Variants in NALF1 observed in about 807,000 individuals in gnomAD.
NALF1 encodes the protein family with sequence similarity 155 member A.
NALF1 carries 3 observed loss-of-function variants against 48.4 expected under a neutral mutation model. The observed-to-expected ratio is 0.06, with a 90% CI of 0.03 to 0.16. The LOEUF (loss-of-function observed/expected upper bound fraction) is 0.16, where lower values mean the gene tolerates loss of function less well. Ranked by LOEUF, NALF1 falls within the 10% of genes least tolerant of loss-of-function variation. NALF1 has a pLI of 1.00. For missense variants in NALF1, 526 were observed against 571.5 expected, an observed-to-expected ratio of 0.92 and a Z score of 0.81; for synonymous variants, 262 against 245.7, an observed-to-expected ratio of 1.07 and a Z score of -0.62.
intron 1 of NALF1, among the ~76,000 whole-genome samples, chr13:107,333,476 C>A (rs186138158): frequency 6.6e-6 from 1 of 152,298 alleles, no homozygotes; most frequent in Non-Finnish European, 1.5e-5. Flanking sequence ...TGGCTCTGTG[C>A]GACCTCAGTT....
intron 1 of NALF1, among the ~76,000 whole-genome samples, chr13:107,589,970 C>G (rs16970776): frequency 0.49 from 73,622 of 151,774 alleles, 18,305 homozygotes; most frequent in African/African-American, 0.53. Flanking sequence ...GAATAGATTA[C>G]TATTTCTTGC....
At chr13:107,537,433 G>T (rs1226467222) in intron 1 of NALF1, among the ~76,000 whole-genome samples, 2 of 152,122 alleles carry the variant, frequency 1.3e-5, no homozygotes, top group African/African-American at 4.8e-5. Context: ...TGAAGGATAT[G>T]AATGGAACTG....
intron 1 of NALF1, among the ~76,000 whole-genome samples, chr13:107,403,124 G>A (rs1883837052): frequency 6.8e-6 from 1 of 146,530 alleles, no homozygotes; most frequent in African/African-American, 2.5e-5. Context: ...GCTCACAAAG[G>A]ACTAGTGTCC....
At chr13:107,271,336 A>G (rs1283525666) in intron 1 of NALF1, among the ~76,000 whole-genome samples, 1 of 152,128 alleles carries the variant, frequency 6.6e-6, no homozygotes, top group African/African-American at 2.4e-5. Flanking sequence ...CAGGGGTGGT[A>G]TTTGATGTGT....
chr13:107,249,020 TA>T (rs5806639), intron 1 of NALF1, among the ~76,000 whole-genome samples: 19,144 of 151,134 alleles, frequency 0.13, 1,585 homozygotes, highest in East Asian at 0.4. Flanking sequence ...AAACATGTAC[TA>T]AAAAAAACAG....
At chr13:107,324,989 A>G (rs1882324454) in intron 1 of NALF1, among the ~76,000 whole-genome samples, 1 of 152,198 alleles carries the variant, frequency 6.6e-6, no homozygotes, top group Non-Finnish European at 1.5e-5. Context: ...TGATTTACTG[A>G]AGAAACTGAA....
intron 1 of NALF1, among the ~76,000 whole-genome samples, chr13:107,614,705 A>T (rs1375286809): frequency 6.6e-6 from 1 of 151,248 alleles, no homozygotes; most frequent in Admixed American, 6.6e-5. Context: ...ATTGAAATGC[A>T]GGCACCTCTT....
chr13:107,198,182 G>T (rs1238436135), intron 2 of NALF1, among the ~76,000 whole-genome samples: 1 of 152,138 alleles, frequency 6.6e-6, no homozygotes, highest in Non-Finnish European at 1.5e-5. Flanking sequence ...AGAAACTACA[G>T]AGAGTGGCTT....
intron 2 of NALF1, among the ~76,000 whole-genome samples, chr13:107,203,275 A>G (rs1284549929): frequency 6.6e-6 from 1 of 152,212 alleles, no homozygotes; most frequent in Non-Finnish European, 1.5e-5. Flanking sequence ...CTGTGTGGTC[A>G]GTAGTTCTAA....
intron 1 of NALF1, among the ~76,000 whole-genome samples, chr13:107,250,063 C>T (rs1417575660): frequency 1.3e-5 from 2 of 150,588 alleles, no homozygotes; most frequent in Non-Finnish European, 3.0e-5. Context: ...TTCTCTAAAT[C>T]AACTGATTTA....
chr13:107,444,629 A>G (rs1242622287), intron 1 of NALF1, among the ~76,000 whole-genome samples: 1 of 152,204 alleles, frequency 6.6e-6, no homozygotes, highest in Non-Finnish European at 1.5e-5. Context: ...TAATAGAGCT[A>G]TGTCATGATT....
At chr13:107,522,803 AGAGAC>A (rs1475961520) in intron 1 of NALF1, among the ~76,000 whole-genome samples, 5 of 151,872 alleles carry the variant, frequency 3.3e-5, no homozygotes, top group African/African-American at 1.2e-4. Flanking sequence ...TATTTTTAGT[AGAGAC>A]AGGGTTTCTC....
chr13:107,772,489 G>T (rs1877608222), intron 1 of NALF1, among the ~76,000 whole-genome samples: 2 of 151,684 alleles, frequency 1.3e-5, no homozygotes, highest in African/African-American at 4.8e-5. Context: ...CTATTTTTTT[G>T]AGATAAGTTC....
chr13:107,376,055 C>T (rs897015857), intron 1 of NALF1, among the ~76,000 whole-genome samples: 1 of 152,160 alleles, frequency 6.6e-6, no homozygotes, highest in Admixed American at 6.5e-5. Context: ...TTCTTGCTCT[C>T]TCTGAATTGC....
At chr13:107,712,028 C>T (rs1875607225) in intron 1 of NALF1, among the ~76,000 whole-genome samples, 2 of 151,976 alleles carry the variant, frequency 1.3e-5, no homozygotes, top group Non-Finnish European at 2.9e-5. Context: ...CACAAAGTCC[C>T]AGCAAGAATA....
intron 1 of NALF1, among the ~76,000 whole-genome samples, chr13:107,313,307 G>A (rs985699988): frequency 1.3e-5 from 2 of 151,822 alleles, no homozygotes; most frequent in South Asian, 2.1e-4. Flanking sequence ...TAATCATAAC[G>A]TGATAGGAAA....
At chr13:107,780,547 G>A (rs1203593709) in intron 1 of NALF1, among the ~76,000 whole-genome samples, 1 of 151,590 alleles carries the variant, frequency 6.6e-6, no homozygotes, top group Non-Finnish European at 1.5e-5. Flanking sequence ...CACCCAGGCT[G>A]GAGTGCAATG....
chr13:107,420,092 C>G (rs867111127), intron 1 of NALF1, among the ~76,000 whole-genome samples: 2 of 152,128 alleles, frequency 1.3e-5, no homozygotes, highest in East Asian at 3.9e-4. Context: ...GACACTATGG[C>G]TACAGAATTC....
intron 1 of NALF1, among the ~76,000 whole-genome samples, chr13:107,435,761 T>C (rs940248981): frequency 3.5e-5 from 5 of 144,452 alleles, no homozygotes; most frequent in African/African-American, 1.3e-4. Flanking sequence ...AACAAAAGAG[T>C]GTGAGAAAGA....
Sources: gnomAD v4.1 joint callset for allele counts (sites outside exome capture counted in the v4.1 genomes callset) on GRCh38, gnomAD v4.1.1 for gene constraint, MANE v1.5 for transcripts, NCBI Gene and HGNC (gene_info 2026-07-23, HGNC 2026-07-21) for gene names.